The following CLASP2 variants were observed in gnomAD, a reference collection of about 807,000 sequenced individuals.
CLASP2 encodes the protein CLIP-associating protein 2.
CLASP2 carries 47 observed loss-of-function variants against 194.4 expected under a neutral mutation model. The observed-to-expected ratio is 0.24, with a 90% confidence interval of 0.19 to 0.31. The LOEUF (loss-of-function observed/expected upper bound fraction) is 0.31, where lower values mean the gene tolerates loss of function less well. Ranked by LOEUF, CLASP2 falls within the 10% of genes least tolerant of loss-of-function variation. The pLI, the probability that CLASP2 is intolerant of heterozygous loss-of-function variation, is 1.00. For missense variants in CLASP2, 1,445 were observed against 1,823.6 expected (o/e 0.79, Z 3.78); for synonymous variants, 619 against 633.5 (o/e 0.98, Z 0.34).
chr3:33,584,952 A>G (rs577076799), intron 21 of CLASP2, 32 bp from the exon 22 acceptor site: 2 of 1,547,392 alleles, frequency 1.3e-6, no homozygotes, highest in African/African-American at 1.4e-5. Context: ...AAATGTTAAC[A>G]TGTAAATGCC....
At chr3:33,634,535 A>G (rs1049608762) in intron 8 of CLASP2, among the ~76,000 whole-genome samples, 1 of 152,202 alleles carries the variant, frequency 6.6e-6, no homozygotes, top group Non-Finnish European at 1.5e-5. Context: ...GTGTAGACAG[A>G]AAAGTCAAAA....
Position 33,538,657 on chromosome 3 carries a change from C to T in CLASP2, c.3558+132G>A, listed in dbSNP as rs1364509040. 17 of 640,594 alleles carry T rather than the reference C, an allele frequency of 2.7e-5. No homozygotes were observed. The East Asian group carries it at 5.1e-4, about 19-fold the overall frequency. 39.7% of individuals were successfully genotyped at this position (640,594 alleles called of 1,614,324 possible). On this transcript the variant is annotated intron_variant, in intron 33 of 38. Coordinates refer to ENST00000682230, the MANE Select transcript of CLASP2 (RefSeq NM_001365631.1). ...AACAGTGCCTGGTATGTGGTAGATA[C>T]TCAGTAAATACTTGTAGAGTGACTG...
At chr3:33,521,780 A>G (rs1280575402) in intron 34 of CLASP2, among the ~76,000 whole-genome samples, 1 of 152,210 alleles carries the variant, frequency 6.6e-6, no homozygotes, top group African/African-American at 2.4e-5. Context: ...TTGGAACTCT[A>G]GTCTACTGAA....
At chr3:33,684,178 G>C (rs1169634185) in intron 6 of CLASP2, among the ~76,000 whole-genome samples, 181 bp downstream of exon 6, 2 of 151,894 alleles carry the variant, frequency 1.3e-5, no homozygotes, top group Non-Finnish European at 2.9e-5. Flanking sequence ...CCAGGAGTCA[G>C]AGGTTGTGGT....
rs764503767 is a variant in CLASP2 at position 33,584,746 on chromosome 3, T to C, written c.2239+4A>G. 2 of 1,541,548 alleles carry C rather than the reference T, an allele frequency of 1.3e-6. No homozygotes were observed. Among genetic ancestry groups the C allele is most frequent in the South Asian group, 2.4e-5 (2 of 82,150 alleles). On this transcript the variant is annotated splice_donor_region_variant and intron_variant, in intron 22 of 38. Coordinates refer to ENST00000682230, the MANE Select transcript of CLASP2 (RefSeq NM_001365631.1). ...CTCACATAAAAAAAAAAAAAAAATC[T>C]TACCCACTGAAAGCCTAGATGGACT...
intron 32 of CLASP2, 49 bp from the exon 33 acceptor site, chr3:33,538,991 C>A: frequency 7.5e-7 from 1 of 1,331,340 alleles, no homozygotes. Context: ...TTTTAAAATA[C>A]AAACACATCT....
At chr3:33,664,570 GA>G (rs1488863473) in intron 6 of CLASP2, among the ~76,000 whole-genome samples, 1 of 152,038 alleles carries the variant, frequency 6.6e-6, no homozygotes, top group Non-Finnish European at 1.5e-5. Context: ...TTTTTTAGTT[GA>G]AATCTCCTAG....
chr3:33,620,997 TTGTGTGTGTGTGTGTG>T (rs60682503), intron 11 of CLASP2, among the ~76,000 whole-genome samples: 37,828 of 142,626 alleles, frequency 0.27, 5,264 homozygotes, highest in Admixed American at 0.38. Context: ...CTGTAGCTCT[TTGTGTGTGTGTGTGTG>T]TGTGTGTGTG....
intron 7 of CLASP2, among the ~76,000 whole-genome samples, chr3:33,656,519 A>G (rs552885381): frequency 1.3e-5 from 2 of 152,302 alleles, no homozygotes; most frequent in African/African-American, 4.8e-5. Context: ...AGCAGACACT[A>G]CTGGTGGGAG....
intron 34 of CLASP2, among the ~76,000 whole-genome samples, chr3:33,522,680 T>C (rs553262902): frequency 6.6e-6 from 1 of 152,252 alleles, no homozygotes; most frequent in Non-Finnish European, 1.5e-5. Context: ...ATGAAAATAA[T>C]GTATGAACAA....
rs1027731514 is a variant in CLASP2, at chr3:33,571,015, A to ATTTTTTTTT, written c.2700-234_2700-226dup. On this transcript the variant is annotated intron_variant, in intron 25 of 38. Coordinates refer to ENST00000682230, the MANE Select transcript of CLASP2 (RefSeq NM_001365631.1). Reference sequence around the variant, plus strand: ...AGATGGCAAGATCCTGTCTCTATAAATTTTTTTTTTTTTTTTTTGAGACGG... The same window carrying ATTTTTTTTT: ...AGATGGCAAGATCCTGTCTCTATAAATTTTTTTTTTTTTTTTTTTTTTTTTTTGAGACGG... Among the ~76,000 whole-genome samples the ATTTTTTTTT allele has an allele frequency of 1.9e-3, 230 of 123,900 alleles. 12 individuals carry two copies. Among genetic ancestry groups the ATTTTTTTTT allele is most frequent in the Non-Finnish European group, 2.9e-3 (171 of 58,932 alleles). 81.3% of individuals were successfully genotyped at this position (123,900 alleles called of 152,430 possible).
At chr3:33,548,423 G>T (rs527246093) in intron 30 of CLASP2, among the ~76,000 whole-genome samples, 1 of 152,066 alleles carries the variant, frequency 6.6e-6, no homozygotes, top group South Asian at 2.1e-4. Flanking sequence ...TCAGCCTCCT[G>T]AGTAGCTGGG....
In CLASP2 at chr3:33,663,373, A is replaced by G. The variant is rs377144575; in HGVS notation, c.715+72T>C. On this transcript the variant is annotated intron_variant, in intron 7 of 38. Transcript: ENST00000682230. ...AAATCAACTCTTTTGAATCAGTGATATATAATACATTTTAGTGCCTAAAAC... is the reference window on the plus strand; with the variant it reads ...AAATCAACTCTTTTGAATCAGTGATGTATAATACATTTTAGTGCCTAAAAC... The G allele has an allele frequency of 1.4e-3, 1,603 of 1,110,088 alleles. 40 individuals are homozygous for G. In the South Asian group the frequency reaches 0.021, roughly 15 times the overall value. The allele number at this position is 1,110,088 out of a possible 1,614,324, so 68.8% of individuals were successfully genotyped here.
At chr3:33,598,150 AT>A (rs1382151606) in intron 18 of CLASP2, among the ~76,000 whole-genome samples, 9 of 149,562 alleles carry the variant, frequency 6.0e-5, no homozygotes, top group Admixed American at 6.0e-4. Context: ...CCTTCAGACT[AT>A]CTCACAGGTC....
At chr3:33,522,354 G>A (rs1212214903) in intron 34 of CLASP2, among the ~76,000 whole-genome samples, 2 of 152,158 alleles carry the variant, frequency 1.3e-5, no homozygotes, top group African/African-American at 2.4e-5. Flanking sequence ...CTCAGGCTGA[G>A]GCTGATCTTT....
intron 18 of CLASP2, among the ~76,000 whole-genome samples, chr3:33,599,302 T>A (rs1292382498): frequency 6.6e-6 from 1 of 152,062 alleles, no homozygotes; most frequent in East Asian, 1.9e-4. Context: ...ATTTTTATTT[T>A]GGTAGAGGTG....
At chr3:33,570,871 T>TA in intron 25 of CLASP2, 81 bp from the exon 26 acceptor site, 2 of 1,119,482 alleles carry the variant, frequency 1.8e-6, no homozygotes, top group Non-Finnish European at 2.4e-6. Flanking sequence ...ATAATTTTCT[T>TA]TAAAAAAAAA....
chr3:33,646,493 A>C (rs1226041644), intron 7 of CLASP2, among the ~76,000 whole-genome samples: 1 of 152,162 alleles, frequency 6.6e-6, no homozygotes, highest in African/African-American at 2.4e-5. Context: ...ATACAATTCC[A>C]AATAAACTTC....
chr3:33,528,667 CAGG>C (rs2055288362), intron 34 of CLASP2, among the ~76,000 whole-genome samples: 1 of 152,034 alleles, frequency 6.6e-6, no homozygotes, highest in Non-Finnish European at 1.5e-5. Context: ...GAGGTTGAGG[CAGG>C]AGAATTGCTT....
Sources: allele counts gnomAD v4.1 joint callset (sites outside exome capture counted in the v4.1 genomes callset), GRCh38; gene constraint gnomAD v4.1.1; transcripts MANE v1.5; gene names NCBI Gene and HGNC (gene_info 2026-07-23, HGNC 2026-07-21).